DNAH14: variants seen among roughly 807,000 people sequenced by gnomAD.
DNAH14 encodes axonemal beta dynein heavy chain 14.
DNAH14 carries 478 observed loss-of-function variants against 520.9 expected under a neutral mutation model. The observed-to-expected ratio is 0.92, with a 90% CI of 0.85 to 0.99. DNAH14 has a LOEUF of 0.99. Ranked by LOEUF, DNAH14 falls within the 50% of genes least tolerant of loss-of-function variation. The pLI is 0.00. For missense variants in DNAH14, 4,831 were observed against 5,234.5 expected (o/e 0.92, Z 2.38); for synonymous variants, 1,581 against 1,757.2 (o/e 0.90, Z 2.51).
At chr1:224,988,257 T>A (rs1056674401) in intron 8 of DNAH14, among the ~76,000 whole-genome samples, 1 of 152,208 alleles carries the variant, frequency 6.6e-6, no homozygotes, top group Non-Finnish European at 1.5e-5. Context: ...CTGCATAGTA[T>A]TCCGTGGTGT....
chr1:225,148,487 C>T (rs972549427), intron 31 of DNAH14, among the ~76,000 whole-genome samples: 11 of 150,612 alleles, frequency 7.3e-5, no homozygotes, highest in East Asian at 2.0e-4. Flanking sequence ...CTGCAGCCTC[C>T]GCCTCCCGGG....
At chr1:225,213,373 T>C (rs1403609727) in intron 41 of DNAH14, among the ~76,000 whole-genome samples, 1 of 152,096 alleles carries the variant, frequency 6.6e-6, no homozygotes, top group East Asian at 1.9e-4. Flanking sequence ...TGGCTTAGGA[T>C]TGACTTGGCA....
intron 10 of DNAH14, among the ~76,000 whole-genome samples, chr1:225,014,139 G>A (rs2065027246): frequency 6.6e-6 from 1 of 152,204 alleles, no homozygotes; most frequent in Non-Finnish European, 1.5e-5. Flanking sequence ...TGGGAAAAGT[G>A]TAGCATCTGG....
intron 75 of DNAH14, among the ~76,000 whole-genome samples, chr1:225,362,240 A>G (rs189238514): frequency 7.9e-5 from 12 of 152,312 alleles, no homozygotes; most frequent in African/African-American, 2.9e-4. Context: ...TTAATGATAC[A>G]TTAAAAATAT....
At chr1:224,979,575 T>C (rs1478612901) in intron 8 of DNAH14, among the ~76,000 whole-genome samples, 3 of 152,184 alleles carry the variant, frequency 2.0e-5, no homozygotes, top group African/African-American at 7.2e-5. Context: ...AGGACCACAA[T>C]TCTTGAACAA....
At chr1:225,040,309 A>G (rs2067359803) in intron 12 of DNAH14, among the ~76,000 whole-genome samples, 1 of 152,220 alleles carries the variant, frequency 6.6e-6, no homozygotes, top group Non-Finnish European at 1.5e-5. Context: ...ATTAGTGAAA[A>G]CAAACATATA....
intron 23 of DNAH14, among the ~76,000 whole-genome samples, chr1:225,101,260 TG>T (rs1300113454): frequency 6.6e-6 from 1 of 151,998 alleles, no homozygotes; most frequent in Non-Finnish European, 1.5e-5. Context: ...TATATATTTA[TG>T]GGGTACATGA....
chr1:225,125,448 G>C (rs1246131477), intron 27 of DNAH14, among the ~76,000 whole-genome samples: 1 of 152,166 alleles, frequency 6.6e-6, no homozygotes, highest in Non-Finnish European at 1.5e-5. Flanking sequence ...TTCCACATCA[G>C]CACTTGCTAC....
At chr1:224,933,854 A>G (rs963295814) in intron 1 of DNAH14, among the ~76,000 whole-genome samples, 11 of 151,952 alleles carry the variant, frequency 7.2e-5, no homozygotes, top group African/African-American at 2.7e-4. Flanking sequence ...TTTTGCGTCT[A>G]TGTTCATGAG....
chr1:225,290,647 GTATATATATATATATATATATATATA>G (rs56045354), intron 55 of DNAH14, among the ~76,000 whole-genome samples: 4 of 57,578 alleles, frequency 6.9e-5, no homozygotes, highest in Admixed American at 2.3e-4. Context: ...GTGTGTGTGT[GTATATATATATATATATATATATATA>G]TATATATATA....
chr1:225,304,977 T>C lies in DNAH14; in HGVS notation c.8893T>C (p.Tyr2965His), dbSNP rs1319019321. Residue 2965 changes from tyrosine (Y) to histidine (H), a missense_variant, in exon 58 of 86, where the codon TAC becomes CAC. Coordinates refer to ENST00000682510, the MANE Select transcript of DNAH14 (RefSeq NM_001367479.1). The part of the protein sequence containing the change: ...HKSMKDLNRK[Y>H]FEETGRFYYT... ...AAGCATGAAAGACTTGAACAGAAAA[T>C]ACTTTGAAGAAACTGGAAGATTTTA... 6.5e-7 allele frequency: 1 copy of C among 1,545,646 alleles called. No homozygotes were observed. Among genetic ancestry groups the C allele is most frequent in the East Asian group, 2.5e-5 (1 of 40,816 alleles).
intron 83 of DNAH14, among the ~76,000 whole-genome samples, chr1:225,390,796 G>C (rs1422853386): frequency 6.6e-6 from 1 of 152,196 alleles, no homozygotes; most frequent in Non-Finnish European, 1.5e-5. Flanking sequence ...ACAATCTTAT[G>C]AGGTTGTTCC....
At chr1:225,013,830 G>A (rs890540870) in intron 10 of DNAH14, among the ~76,000 whole-genome samples, 1 of 152,134 alleles carries the variant, frequency 6.6e-6, no homozygotes, top group Non-Finnish European at 1.5e-5. Context: ...ATCCCAGGTC[G>A]ACTTCAGACT....
At chr1:225,092,005 A>G (rs2074441344) in intron 21 of DNAH14, among the ~76,000 whole-genome samples, 1 of 152,184 alleles carries the variant, frequency 6.6e-6, no homozygotes, top group South Asian at 2.1e-4. Flanking sequence ...AAAGGGTTCA[A>G]TTCAACAAGA....
Position 225,232,280 on chromosome 1 carries a change from T to TACAC in DNAH14, c.6518+1146_6518+1149dup, listed in dbSNP as rs139079665. ...ATATATAAACTGTGATATATATATA[T>TACAC]ACACACACACACACACACACGTGTA... On this transcript the variant is annotated intron_variant, in intron 42 of 85. Coordinates refer to ENST00000682510, the MANE Select transcript of DNAH14 (RefSeq NM_001367479.1). The surrounding 1 kb of genome is among the most constrained non-coding windows in gnomAD (Gnocchi z 4.2). Among the ~76,000 whole-genome samples the TACAC allele has an allele frequency of 1.8e-3, 274 of 149,596 alleles. 1 individual carries two copies. Among genetic ancestry groups the TACAC allele is most frequent in the African/African-American group, 4.9e-3 (200 of 40,782 alleles).
intron 66 of DNAH14, among the ~76,000 whole-genome samples, chr1:225,336,488 T>C (rs1004362967): frequency 2.3e-5 from 2 of 87,476 alleles, no homozygotes; most frequent in African/African-American, 6.1e-5. Context: ...AAAAGAACTA[T>C]AGGGAAAAAA....
At chr1:225,135,728 C>T (rs1353468859) in intron 27 of DNAH14, among the ~76,000 whole-genome samples, 1 of 152,072 alleles carries the variant, frequency 6.6e-6, no homozygotes, top group African/African-American at 2.4e-5. Context: ...TTTTCTGTCT[C>T]AGTGATCTGT....
intron 8 of DNAH14, among the ~76,000 whole-genome samples, chr1:224,994,120 T>A (rs544302703): frequency 6.6e-6 from 1 of 152,042 alleles, no homozygotes; most frequent in South Asian, 2.1e-4. Flanking sequence ...TCCTGGAGGG[T>A]GTTTTGTGTG....
At chr1:225,304,883 A>T (rs1430032634) in intron 57 of DNAH14, 25 bp from the exon 58 acceptor site, 1 of 1,489,426 alleles carries the variant, frequency 6.7e-7, no homozygotes, top group East Asian at 2.5e-5. Context: ...CTTTCTCTTA[A>T]TTCTTAAAAA....
Sources: gnomAD v4.1 joint callset for allele counts (sites outside exome capture counted in the v4.1 genomes callset) on GRCh38, gnomAD v4.1.1 for gene constraint, Gnocchi (gnomAD v3.1) non-coding constraint, MANE v1.5 for transcripts, NCBI Gene and HGNC (gene_info 2026-07-23, HGNC 2026-07-21) for gene names.